Variants in B3GLCT observed in about 807,000 individuals in gnomAD.
The protein encoded by B3GLCT is beta 3-glucosyltransferase.
Under a neutral mutation model 63.4 loss-of-function variants are expected in B3GLCT, and 65 were observed. The ratio of observed to expected loss-of-function variants is 1.03; its 90% CI spans 0.84 to 1.26. B3GLCT has a LOEUF of 1.26. B3GLCT is among the 50% of genes most tolerant of loss of function. The pLI, the probability that B3GLCT is intolerant of heterozygous loss-of-function variation, is 0.00. For synonymous variants in B3GLCT, 233 were observed against 219.2 expected (o/e 1.06, Z -0.55); for missense variants, 577 against 604.8 (o/e 0.95, Z 0.48).
intron 2 of B3GLCT, among the ~76,000 whole-genome samples, chr13:31,221,978 A>ATT (rs1869832490): frequency 1.3e-5 from 2 of 151,458 alleles, no homozygotes. Context: ...TCCTCCGTTG[A>ATT]TTTACACAGA....
At chr13:31,278,562 G>A (rs972924973) in intron 10 of B3GLCT, among the ~76,000 whole-genome samples, 1 of 152,176 alleles carries the variant, frequency 6.6e-6, no homozygotes, top group Non-Finnish European at 1.5e-5. Context: ...TTGGGTTTCT[G>A]TGGTAAGCCG....
chr13:31,280,814 C>T (rs1298989704), intron 10 of B3GLCT, among the ~76,000 whole-genome samples: 2 of 152,138 alleles, frequency 1.3e-5, no homozygotes, highest in South Asian at 2.1e-4. Context: ...CAAAAATATA[C>T]TCTGTCTTTT....
At chr13:31,256,444 A>G (rs1280020553) in intron 6 of B3GLCT, among the ~76,000 whole-genome samples, 1 of 152,220 alleles carries the variant, frequency 6.6e-6, no homozygotes, top group Non-Finnish European at 1.5e-5. Flanking sequence ...AGGATTATAA[A>G]TCATTCTACT....
intron 7 of B3GLCT, among the ~76,000 whole-genome samples, chr13:31,268,997 T>C (rs1262711224): frequency 1.3e-5 from 2 of 152,218 alleles, no homozygotes; most frequent in Non-Finnish European, 2.9e-5. Flanking sequence ...GATGTTGGAA[T>C]AATGAATGCT....
intron 12 of B3GLCT, 134 bp from the exon 13 acceptor site, chr13:31,317,432 C>A: frequency 2.0e-6 from 2 of 1,013,360 alleles, no homozygotes; most frequent in Admixed American, 1.8e-5. Flanking sequence ...TTTTATAAGT[C>A]ACTCAAATTT....
chr13:31,276,097 T>C (rs1593291225), intron 9 of B3GLCT, among the ~76,000 whole-genome samples: 1 of 152,314 alleles, frequency 6.6e-6, no homozygotes, highest in Middle Eastern at 3.4e-3. Context: ...TTCATCTGTG[T>C]GATCAGCCTG....
rs1406728050 is a variant in B3GLCT, at chr13:31,204,222, C to T, written c.70+4068C>T. On this transcript the variant is annotated intron_variant, in intron 1 of 14. Coordinates refer to ENST00000343307, the MANE Select transcript of B3GLCT (RefSeq NM_194318.4). The stretch of plus-strand genomic sequence containing the variant: ...ATCTCAACAGGGAGCCATCTTGCAC[C>T]CCAGGGAACGTTTGTTGCTGTCTGG... 2.0e-5 allele frequency among the ~76,000 whole-genome samples: 3 copies of T among 152,232 alleles called. No individual in the cohort carries two copies. The East Asian group carries it at 5.8e-4, about 29-fold the overall frequency.
chr13:31,285,396 A>G (rs933047366), intron 11 of B3GLCT, among the ~76,000 whole-genome samples: 1 of 152,176 alleles, frequency 6.6e-6, no homozygotes, highest in African/African-American at 2.4e-5. Flanking sequence ...CCAAAAGCCC[A>G]GACTTCACCA....
intron 1 of B3GLCT, among the ~76,000 whole-genome samples, chr13:31,202,877 C>G (rs1402388161): frequency 6.6e-6 from 1 of 152,118 alleles, no homozygotes; most frequent in Non-Finnish European, 1.5e-5. Context: ...ATAGAAGAAG[C>G]CTGGATGCCA....
intron 1 of B3GLCT, among the ~76,000 whole-genome samples, chr13:31,212,327 T>G (rs1422465868): frequency 2.1e-5 from 3 of 143,512 alleles, no homozygotes; most frequent in African/African-American, 7.9e-5. Context: ...CAGGCTGGAG[T>G]GCAGTGGCAT....
At position 31,274,581 on chromosome 13, in the gene B3GLCT, G is replaced by C. The variant is rs34830061; in HGVS notation, c.733G>C (p.Val245Leu). The C allele has an allele frequency of 2.5e-6, 4 of 1,614,174 alleles. No individual in the cohort carries two copies. Among genetic ancestry groups the C allele is most frequent in the Non-Finnish European group, 3.4e-6 (4 of 1,180,022 alleles). ...AGTGCCTGAGTTTTGTACCAATGACGTGGACTTCTACTGTGCTACCACATT... is the reference window on the plus strand; with the variant it reads ...AGTGCCTGAGTTTTGTACCAATGACCTGGACTTCTACTGTGCTACCACATT... ...TPVPEFCTNDVDFYCATTFHS... is the reference protein window; with the variant it reads ...TPVPEFCTNDLDFYCATTFHS... Residue 245 changes from valine to leucine, a missense_variant, in exon 9 of 15, where the codon GTG becomes CTG. Coordinates refer to ENST00000343307, the MANE Select transcript of B3GLCT (RefSeq NM_194318.4).
At chr13:31,214,059 A>T (rs1307760335) in intron 1 of B3GLCT, among the ~76,000 whole-genome samples, 1 of 152,146 alleles carries the variant, frequency 6.6e-6, no homozygotes, top group Non-Finnish European at 1.5e-5. Flanking sequence ...ATTAGAAGGG[A>T]TCCAAATGGA....
At chr13:31,208,278 C>G (rs984966217) in intron 1 of B3GLCT, among the ~76,000 whole-genome samples, 1 of 152,162 alleles carries the variant, frequency 6.6e-6, no homozygotes, top group African/African-American at 2.4e-5. Context: ...TTCTCCTCCC[C>G]ATCTGGCCAT....
At chr13:31,216,200 A>G (rs1377494685) in intron 2 of B3GLCT, among the ~76,000 whole-genome samples, 2 of 152,232 alleles carry the variant, frequency 1.3e-5, no homozygotes, top group African/African-American at 4.8e-5. Context: ...AGATTCTTAC[A>G]CAGGGGAAAT....
chr13:31,273,592 A>C (rs1593289441), intron 8 of B3GLCT, among the ~76,000 whole-genome samples: 1 of 151,204 alleles, frequency 6.6e-6, no homozygotes, highest in Non-Finnish European at 1.5e-5. Flanking sequence ...TCGTTATCTT[A>C]TTTCTTTTTT....
intron 9 of B3GLCT, among the ~76,000 whole-genome samples, chr13:31,275,441 A>G (rs913073889): frequency 9.2e-5 from 14 of 152,170 alleles, no homozygotes; most frequent in African/African-American, 2.4e-5. Context: ...TTGATGATGT[A>G]GGATGCATTG....
chr13:31,255,160 AACAG>A (rs1287179640), intron 6 of B3GLCT, among the ~76,000 whole-genome samples: 1 of 152,180 alleles, frequency 6.6e-6, no homozygotes, highest in African/African-American at 2.4e-5. Flanking sequence ...ATACACCAAT[AACAG>A]ACAGAGAGCC....
At chr13:31,309,559 G>A (rs1335791259) in intron 12 of B3GLCT, among the ~76,000 whole-genome samples, 1 of 152,226 alleles carries the variant, frequency 6.6e-6, no homozygotes, top group African/African-American at 2.4e-5. Flanking sequence ...ATTTGCTGGA[G>A]CAGCTCACAG....
intron 12 of B3GLCT, chr13:31,312,488 C>T (rs917395488): frequency 1.3e-5 from 2 of 151,896 alleles, no homozygotes; most frequent in African/African-American, 2.4e-5. Flanking sequence ...AATAGAAAGC[C>T]CCAAAACTTA....
Sources: allele counts gnomAD v4.1 joint callset (sites outside exome capture counted in the v4.1 genomes callset), GRCh38; gene constraint gnomAD v4.1.1; transcripts MANE v1.5; gene names NCBI Gene and HGNC (gene_info 2026-07-23, HGNC 2026-07-21).